DDX50: variants seen among roughly 807,000 people sequenced by gnomAD.
DDX50 encodes DExD-box helicase 50.
A neutral mutation model predicts 94.8 loss-of-function variants in DDX50; 56 were observed. The ratio of observed to expected loss-of-function variants is 0.59; its 90% confidence interval spans 0.48 to 0.74. The LOEUF (loss-of-function observed/expected upper bound fraction) is 0.74, where lower values mean the gene tolerates loss of function less well. Ranked by LOEUF, DDX50 falls within the 30% of genes least tolerant of loss-of-function variation. The probability of loss-of-function intolerance (pLI) is 0.00; values close to 1 mark genes in which losing one functional copy is unlikely to be tolerated. For synonymous variants in DDX50, 264 were observed against 295.4 expected (o/e 0.89, Z 1.09); for missense variants, 713 against 881.2 (o/e 0.81, Z 2.42).
chr10:68,946,841 C>CT lies in DDX50; in HGVS notation c.*215dup. The CT allele has an allele frequency of 1.6e-6, 1 of 622,890 alleles. No homozygotes were observed. Among genetic ancestry groups the CT allele is most frequent in the East Asian group, 3.1e-5 (1 of 32,734 alleles). 38.6% of individuals were successfully genotyped at this position (622,890 alleles called of 1,614,324 possible). ...ATAAAAAAACCTCCTTTTATTGTCT[C>CT]TTTTCACTTATGTGTTAAGAATTTT... On this transcript the variant is annotated 3_prime_UTR_variant, in exon 15 of 15. Transcript: ENST00000373585.
At chr10:68,943,531 G>T (rs527336906) in intron 14 of DDX50, among the ~76,000 whole-genome samples, 45 of 152,230 alleles carry the variant, frequency 3.0e-4, no homozygotes, top group Middle Eastern at 3.4e-3. Context: ...CAAGTAGCTA[G>T]AACTACAAGG....
chr10:68,921,788 A>C (rs548102747), intron 8 of DDX50, among the ~76,000 whole-genome samples: 1 of 151,954 alleles, frequency 6.6e-6, no homozygotes, highest in Non-Finnish European at 1.5e-5. Context: ...TCTTTCCTTC[A>C]TTGTCTTAAA....
intron 2 of DDX50, among the ~76,000 whole-genome samples, chr10:68,908,268 A>G (rs114072123): frequency 0.01 from 1,551 of 152,196 alleles, 35 homozygotes; most frequent in African/African-American, 0.036. Flanking sequence ...CCTGACCGAC[A>G]TGGTGAAACC....
intron 8 of DDX50, among the ~76,000 whole-genome samples, chr10:68,920,252 C>A (rs1259579634): frequency 6.6e-6 from 1 of 152,136 alleles, no homozygotes; most frequent in Non-Finnish European, 1.5e-5. Flanking sequence ...TTCTTGACTT[C>A]CTGGGCTCAG....
chr10:68,908,383 G>A (rs1209473008), intron 2 of DDX50, among the ~76,000 whole-genome samples: 2 of 150,034 alleles, frequency 1.3e-5, no homozygotes, highest in Non-Finnish European at 3.0e-5. Context: ...CCTGGGAAGT[G>A]GAGGTTGCAG....
chr10:68,915,445 C>T (rs1419612764), intron 7 of DDX50, among the ~76,000 whole-genome samples: 9 of 139,346 alleles, frequency 6.5e-5, no homozygotes, highest in Middle Eastern at 4.9e-3. Flanking sequence ...AGGCTGGGTG[C>T]GGTGGCTCAC....
chr10:68,941,530 CCA>C (rs1842553413), intron 13 of DDX50, among the ~76,000 whole-genome samples: 1 of 151,970 alleles, frequency 6.6e-6, no homozygotes, highest in Admixed American at 6.6e-5. Context: ...CACTATTTGC[CCA>C]GGCTGGTCTT....
chr10:68,912,709 TC>T (rs1841666805), intron 4 of DDX50, among the ~76,000 whole-genome samples: 1 of 152,248 alleles, frequency 6.6e-6, no homozygotes, highest in Non-Finnish European at 1.5e-5. Context: ...AAGCATTAGT[TC>T]CTAGCACATG....
Position 68,934,209 on chromosome 10 carries a change from G to C in DDX50, c.1250G>C (p.Cys417Ser), listed in dbSNP as rs763688392. Residue 417 changes from cysteine to serine, a missense_variant, in exon 9 of 15, where the codon TGT (cysteine) becomes TCT (serine). This residue lies in a region of DDX50 where 428 missense variants were observed against 602.3 expected (regional missense o/e 0.71). Transcript: ENST00000373585. The surrounding 1 kb of genome is among the most constrained non-coding windows in gnomAD (Gnocchi z 4.0). ...CCCTTTCTCAAATAGAATGCCCAGT[G>C]TTTACATGGGGACATTGCACAGTCA... ...MNPHIKQNAQ[C>S]LHGDIAQSQR... The C allele has an allele frequency of 6.2e-7, 1 of 1,611,196 alleles. No homozygotes were observed. The highest frequency in any genetic ancestry group is 1.1e-5 in the South Asian group (1 of 90,904).
intron 1 of DDX50, among the ~76,000 whole-genome samples, chr10:68,902,870 A>G (rs1370070695): frequency 6.6e-6 from 1 of 152,186 alleles, no homozygotes; most frequent in African/African-American, 2.4e-5. Context: ...GACATTTGTT[A>G]TGCATGTCTA....
rs774058466 is a variant in DDX50, at chr10:68,946,495, A to C, written c.2079A>C (p.Ser693=). 3.1e-6 allele frequency: 5 copies of C among 1,614,152 alleles called. No homozygotes were observed. The highest frequency in any genetic ancestry group is 3.4e-6 in the Non-Finnish European group (4 of 1,179,968). Residue 693 remains serine, a synonymous_variant, in exon 15 of 15, where the codon TCA becomes TCC. Coordinates refer to ENST00000373585, the MANE Select transcript of DDX50 (RefSeq NM_024045.2). ...SSGRSGRSGR[S]GGRSGGRSGR... ...GTCGATCAGGCCGGTCAGGCCGGTC[A>C]GGTGGTCGATCTGGCGGCCGGTCAG... is the stretch of plus-strand genomic sequence containing the variant.
chr10:68,945,346 G>A (rs893833796), intron 14 of DDX50, among the ~76,000 whole-genome samples: 3 of 151,062 alleles, frequency 2.0e-5, no homozygotes, highest in African/African-American at 4.9e-5. Context: ...TCACTCTGTC[G>A]CCCAGGCTGG....
intron 13 of DDX50, among the ~76,000 whole-genome samples, chr10:68,942,566 A>C (rs1276170335): frequency 1.3e-5 from 2 of 152,294 alleles, no homozygotes; most frequent in Non-Finnish European, 2.9e-5. Context: ...AGACCATAGA[A>C]GAAACATCTT....
At position 68,913,584 on chromosome 10, in the gene DDX50, C is replaced by T; in HGVS notation, c.943+8C>T. On this transcript the variant is annotated splice_region_variant and intron_variant, in intron 6 of 14. Transcript: ENST00000373585. ...ATGAATCCTACAAAACTGGTATATC[C>T]TAATTCAAAATAAGCACATTAGCAA... 1 of 1,596,282 alleles carries T rather than the reference C, an allele frequency of 6.3e-7. No individual in the cohort carries two copies. Among genetic ancestry groups the T allele is most frequent in the Non-Finnish European group, 8.5e-7 (1 of 1,171,908 alleles).
At chr10:68,939,077 A>G (rs557113794) in intron 12 of DDX50, among the ~76,000 whole-genome samples, 8 of 152,286 alleles carry the variant, frequency 5.3e-5, no homozygotes, top group African/African-American at 1.9e-4. Context: ...TATAGTTAAT[A>G]TGTACCTCAT....
At position 68,946,344 on chromosome 10, in the gene DDX50, C is replaced by T; in HGVS notation, c.1936-8C>T. On this transcript the variant is annotated splice_region_variant and splice_polypyrimidine_tract_variant and intron_variant, in intron 14 of 14. Transcript: ENST00000373585. Reference sequence around the variant, plus strand: ...CATTTATATTAATCCTGTAAATTCCCCTAACAGGCAGAGTGGCATGATTCC... The same window carrying T: ...CATTTATATTAATCCTGTAAATTCCTCTAACAGGCAGAGTGGCATGATTCC... The T allele has an allele frequency of 6.3e-7, 1 of 1,599,690 alleles. No homozygotes were observed. The highest frequency in any genetic ancestry group is 1.3e-5 in the African/African-American group (1 of 74,526).
In DDX50 at chr10:68,911,157, G is replaced by A; in HGVS notation, c.550G>A (p.Gly184Arg). Residue 184 changes from glycine (G) to arginine (R), a missense_variant, in exon 4 of 15, where the codon GGA (glycine) becomes AGA (arginine). By Grantham distance (125) the Gly-to-Arg change is moderately radical. Coordinates refer to ENST00000373585, the MANE Select transcript of DDX50 (RefSeq NM_024045.2). ...GKDLIAQART[G>R]TGKTFSFAIP... is the part of the protein sequence containing the mutation. Reference sequence around the variant, plus strand: ...AGATTTAATAGCTCAAGCACGGACAGGAACAGGAAAGACATTCTCTTTTGC... The same window carrying A: ...AGATTTAATAGCTCAAGCACGGACAAGAACAGGAAAGACATTCTCTTTTGC... 1 of 1,612,532 alleles carries A rather than the reference G, an allele frequency of 6.2e-7. No individual in the cohort carries two copies. Among genetic ancestry groups the A allele is most frequent in the Non-Finnish European group, 8.5e-7 (1 of 1,179,312 alleles).
At position 68,934,910 on chromosome 10, in the gene DDX50, C is replaced by G; in HGVS notation, c.1513C>G (p.Gln505Glu). Residue 505 changes from glutamine to glutamate, a missense_variant, in exon 10 of 15, where the codon CAA becomes GAA. Around this residue, in one of 2 missense-constraint regions of DDX50, gnomAD observed 428 missense variants for 602.3 expected, o/e 0.71. Coordinates refer to ENST00000373585, the MANE Select transcript of DDX50 (RefSeq NM_024045.2). This position sits in a 1 kb window ranked among gnomAD's most constrained non-coding sequence, Gnocchi z 4.0. ...AAGAGGTCAACTAAGATATGTGGAA[C>G]AAAAAGCAGTAAGTAGAGTTAAATT... The part of the protein sequence containing the change: ...RERGQLRYVE[Q>E]KAGITFKRVG... The G allele has an allele frequency of 6.2e-7, 1 of 1,610,490 alleles. No individual in the cohort carries two copies. Among genetic ancestry groups the G allele is most frequent in the Non-Finnish European group, 8.5e-7 (1 of 1,178,562 alleles).
intron 8 of DDX50, among the ~76,000 whole-genome samples, chr10:68,931,966 A>G (rs545957693): frequency 3.4e-4 from 51 of 152,174 alleles, no homozygotes; most frequent in African/African-American, 1.2e-3. Context: ...TCTTTTACCT[A>G]GTAGTTCCTT....
Sources: gnomAD v4.1 joint callset for allele counts (sites outside exome capture counted in the v4.1 genomes callset) on GRCh38, gnomAD v4.1.1 for gene constraint, gnomAD v4.1.1 regional missense constraint, Gnocchi (gnomAD v3.1) non-coding constraint, MANE v1.5 for transcripts, NCBI Gene and HGNC (gene_info 2026-07-23, HGNC 2026-07-21) for gene names.